CFAP47: variants seen among roughly 807,000 people sequenced by gnomAD.
CFAP47 encodes cilia and flagella associated protein 47, also known as cilia- and flagella-associated protein 47.
In CFAP47, 29 loss-of-function variants were observed where a neutral mutation model predicts 148.1. The observed-to-expected ratio is 0.20, with a 90% confidence interval of 0.15 to 0.27. The LOEUF is 0.27. Ranked by LOEUF, CFAP47 falls within the 10% of genes least tolerant of loss-of-function variation. The probability of loss-of-function intolerance (pLI) is 1.00; values close to 1 mark genes in which losing one functional copy is unlikely to be tolerated. For missense variants in CFAP47, 1,872 were observed against 1,697.5 expected, an observed-to-expected ratio of 1.10 and a Z score of -1.81; for synonymous variants, 664 against 577.3, an observed-to-expected ratio of 1.15 and a Z score of -2.15.
intron 56 of CFAP47, among the ~76,000 whole-genome samples, chrX:36,316,707 G>A (rs782555521): frequency 8.9e-6 from 1 of 111,928 alleles, no homozygotes; most frequent in Non-Finnish European, 1.9e-5. Context: ...CATCTTTTTT[G>A]TGTTTTATAT....
At chrX:36,251,928 G>A (rs182270304) in intron 49 of CFAP47, among the ~76,000 whole-genome samples, 10 of 110,701 alleles carry the variant, frequency 9.0e-5, no homozygotes, top group Admixed American at 7.7e-4. Flanking sequence ...GCAGATTTCC[G>A]CAATGGTCCC....
Position 36,038,978 on chromosome X carries a change from C to G in CFAP47, c.3812-6C>G. The G allele has an allele frequency of 1.0e-6, 1 of 971,875 alleles. No homozygotes were observed. Among genetic ancestry groups the G allele is most frequent in the South Asian group, 3.2e-5 (1 of 31,147 alleles). 80.1% of individuals were successfully genotyped at this position (971,875 alleles called of 1,213,427 possible). Reference sequence around the variant, plus strand: ...TAAAATACCCTTAAAATTTGTTTTTCATTAGATCGTCCTGGGACATACACA... The same window carrying G: ...TAAAATACCCTTAAAATTTGTTTTTGATTAGATCGTCCTGGGACATACACA... On this transcript the variant is annotated splice_polypyrimidine_tract_variant and splice_region_variant and intron_variant, in intron 24 of 63. Transcript: ENST00000378653.
chrX:36,215,380 G>A (rs1292440347), intron 45 of CFAP47, among the ~76,000 whole-genome samples: 1 of 111,337 alleles, frequency 9.0e-6, no homozygotes, highest in Non-Finnish European at 1.9e-5. Context: ...TAGCTAAGAT[G>A]TCAAATTCCA....
chrX:36,260,633 C>T (rs905961759), intron 49 of CFAP47, among the ~76,000 whole-genome samples: 2 of 111,790 alleles, frequency 1.8e-5, no homozygotes, highest in African/African-American at 6.5e-5. Context: ...TTGTTGAATG[C>T]GTACTTTGCA....
rs140913480 is a variant in CFAP47, at chrX:35,943,104, C to A, written c.517+1706C>A. ...ATACTGTATATTACATTCAGATTAG[C>A]TAGTGCCTATAAAGTGTCATAAAGT... On this transcript the variant is annotated intron_variant, in intron 3 of 63. Coordinates refer to ENST00000378653, the MANE Select transcript of CFAP47 (RefSeq NM_001304548.2). 6.7e-3 allele frequency among the ~76,000 whole-genome samples: 743 copies of A among 111,435 alleles called. 6 individuals carry two copies. Among genetic ancestry groups the A allele is most frequent in the African/African-American group, 0.023 (713 of 30,797 alleles).
At chrX:36,286,539 A>G (rs1341537570) in intron 51 of CFAP47, among the ~76,000 whole-genome samples, 1 of 111,399 alleles carries the variant, frequency 9.0e-6, no homozygotes, top group Non-Finnish European at 1.9e-5. Context: ...AAAATTTTGA[A>G]ATGTGCTCAA....
At chrX:36,291,132 A>G (rs1486881671) in intron 51 of CFAP47, among the ~76,000 whole-genome samples, 4 of 111,688 alleles carry the variant, frequency 3.6e-5, no homozygotes, top group Non-Finnish European at 7.5e-5. Flanking sequence ...CTGGGTTAAT[A>G]TGGCAAACTA....
At chrX:36,330,821 C>T (rs1346299465) in intron 57 of CFAP47, among the ~76,000 whole-genome samples, 3 of 111,638 alleles carry the variant, frequency 2.7e-5, no homozygotes, top group African/African-American at 6.5e-5. Context: ...AAGCCAGCCC[C>T]TCTACTCGAA....
At chrX:35,979,734 C>A in intron 15 of CFAP47, among the ~76,000 whole-genome samples, 1 of 111,193 alleles carries the variant, frequency 9.0e-6, no homozygotes, top group African/African-American at 3.3e-5. Context: ...TAACAAAGAG[C>A]AATAAATCTT....
chrX:36,341,342 G>T (rs1941651942), intron 57 of CFAP47, among the ~76,000 whole-genome samples: 1 of 111,298 alleles, frequency 9.0e-6, no homozygotes, highest in Admixed American at 9.6e-5. Flanking sequence ...GCCGGTGCTA[G>T]AATATTTCTT....
At chrX:35,943,824 A>G (rs771038695) in intron 3 of CFAP47, among the ~76,000 whole-genome samples, 1 of 111,162 alleles carries the variant, frequency 9.0e-6, no homozygotes, top group Admixed American at 9.6e-5. Flanking sequence ...ATTTTTTAAA[A>G]TTTTTGTGGG....
intron 46 of CFAP47, among the ~76,000 whole-genome samples, chrX:36,229,398 A>G (rs1555992001): frequency 9.0e-6 from 1 of 111,472 alleles, no homozygotes; most frequent in East Asian, 2.8e-4. Context: ...TACCAGGTAG[A>G]ATGACAATTA....
chrX:36,362,998 A>T (rs886868581), intron 61 of CFAP47, among the ~76,000 whole-genome samples: 6 of 111,646 alleles, frequency 5.4e-5, no homozygotes, highest in African/African-American at 1.9e-4. Context: ...GAACAATGTT[A>T]TTATTTGTGA....
intron 1 of CFAP47, among the ~76,000 whole-genome samples, chrX:35,923,362 A>G (rs1935607952): frequency 1.8e-5 from 2 of 111,692 alleles, no homozygotes; most frequent in Admixed American, 1.9e-4. Context: ...ACACATTATA[A>G]ATGCATAATA....
chrX:36,057,110 T>G (rs1937560732), intron 26 of CFAP47, among the ~76,000 whole-genome samples: 2 of 111,866 alleles, frequency 1.8e-5, no homozygotes, highest in Non-Finnish European at 3.8e-5. Flanking sequence ...TTTTTTCCAG[T>G]AGCTCAAATG....
chrX:36,245,922 A>C (rs1489449703), intron 48 of CFAP47, among the ~76,000 whole-genome samples: 1 of 111,724 alleles, frequency 9.0e-6, no homozygotes, highest in Non-Finnish European at 1.9e-5. Flanking sequence ...TTAACTCAAG[A>C]TTGATGAACA....
intron 62 of CFAP47, chrX:36,375,057 T>C (rs1602136232): frequency 2.3e-6 from 1 of 435,946 alleles, no homozygotes; most frequent in East Asian, 4.7e-5. Context: ...GTAACCACAC[T>C]TCATCATCAC....
intron 46 of CFAP47, among the ~76,000 whole-genome samples, chrX:36,230,132 G>T (rs1403010458): frequency 9.9e-6 from 1 of 101,331 alleles, no homozygotes; most frequent in African/African-American, 3.6e-5. Flanking sequence ...ACCCAGTAAT[G>T]GGATGGCTGG....
At chrX:36,124,941 T>C (rs1248521478) in intron 33 of CFAP47, among the ~76,000 whole-genome samples, 1 of 111,556 alleles carries the variant, frequency 9.0e-6, no homozygotes, top group African/African-American at 3.3e-5. Context: ...ACAATGAATG[T>C]ATATAATAGA....
Sources: gnomAD v4.1 joint callset for allele counts (sites outside exome capture counted in the v4.1 genomes callset) on GRCh38, gnomAD v4.1.1 for gene constraint, MANE v1.5 for transcripts, NCBI Gene and HGNC (gene_info 2026-07-23, HGNC 2026-07-21) for gene names.